COL24A1: variants seen among roughly 807,000 people sequenced by gnomAD.
COL24A1 encodes the protein collagen alpha-1(XXIV) chain.
Under a neutral mutation model 253.9 loss-of-function variants are expected in COL24A1, and 224 were observed. The ratio of observed to expected loss-of-function variants is 0.88; its 90% CI spans 0.79 to 0.99. The LOEUF (loss-of-function observed/expected upper bound fraction) is 0.99. Ranked by LOEUF, COL24A1 falls within the 50% of genes least tolerant of loss-of-function variation. The pLI, the probability that COL24A1 is intolerant of heterozygous loss-of-function variation, is 0.00. For missense variants in COL24A1, 2,131 were observed against 2,068.5 expected (o/e 1.03, Z -0.59); for synonymous variants, 685 against 673.7 (o/e 1.02, Z -0.26).
rs530744108 is a variant in COL24A1, at chr1:85,730,309, C to A, written c.*237G>T. The A allele has an allele frequency of 2.1e-4, 69 of 334,380 alleles. No individual in the cohort carries two copies. The highest frequency in any genetic ancestry group is 1.4e-3 in the African/African-American group (68 of 47,644). 20.7% of individuals were successfully genotyped at this position (334,380 alleles called of 1,614,324 possible). On this transcript the variant is annotated 3_prime_UTR_variant, in exon 60 of 60. Coordinates refer to ENST00000370571, the MANE Select transcript of COL24A1 (RefSeq NM_152890.7). ...TATAAATTTTTAGTTCTAGGGAATT[C>A]TCTAAGAAAGCTGAGATGAATATAA... is the stretch of plus-strand genomic sequence containing the variant.
intron 47 of COL24A1, among the ~76,000 whole-genome samples, chr1:85,799,211 AAAAGAAAGAAAGAAAG>A (rs139787428): frequency 2.7e-4 from 37 of 137,632 alleles, no homozygotes; most frequent in Non-Finnish European, 4.0e-4. Context: ...TTGGCCACAT[AAAAGAAAGAAAGAAAG>A]AAAGAAAGAA....
chr1:86,040,514 C>T (rs532398974), intron 12 of COL24A1, among the ~76,000 whole-genome samples: 78 of 138,596 alleles, frequency 5.6e-4, no homozygotes, highest in African/African-American at 1.9e-3. Flanking sequence ...TGTTATCCAC[C>T]CTGAAGATAA....
At chr1:85,985,413 G>T (rs1304909251) in intron 20 of COL24A1, among the ~76,000 whole-genome samples, 1 of 151,756 alleles carries the variant, frequency 6.6e-6, no homozygotes, top group African/African-American at 2.4e-5. Flanking sequence ...TACAGAGAGG[G>T]TTTGGTCATA....
chr1:85,916,253 C>T (rs1685885183), intron 24 of COL24A1, among the ~76,000 whole-genome samples: 1 of 152,140 alleles, frequency 6.6e-6, no homozygotes, highest in Non-Finnish European at 1.5e-5. Flanking sequence ...GTCTCTTATA[C>T]ATGGCCCATT....
At chr1:85,847,475 T>A (rs1677253726) in intron 39 of COL24A1, among the ~76,000 whole-genome samples, 190 bp downstream of exon 39, 1 of 152,180 alleles carries the variant, frequency 6.6e-6, no homozygotes, top group Admixed American at 6.5e-5. Context: ...CTTTTTCATG[T>A]CCAGAAACCA....
At chr1:85,810,983 C>G (rs1672472809) in intron 47 of COL24A1, among the ~76,000 whole-genome samples, 1 of 152,180 alleles carries the variant, frequency 6.6e-6, no homozygotes, top group South Asian at 2.1e-4. Flanking sequence ...AAGAACCCTC[C>G]CTGGCTGAGC....
chr1:85,780,978 C>T (rs146507315), intron 52 of COL24A1, among the ~76,000 whole-genome samples: 1 of 152,080 alleles, frequency 6.6e-6, no homozygotes, highest in Non-Finnish European at 1.5e-5. Context: ...AACACTCTCC[C>T]CTTCCTGACT....
At chr1:86,147,079 A>G (rs1233894648) in intron 1 of COL24A1, among the ~76,000 whole-genome samples, 2 of 152,166 alleles carry the variant, frequency 1.3e-5, no homozygotes, top group African/African-American at 4.8e-5. Context: ...CAAATGATGT[A>G]TTTGTAAAAT....
intron 53 of COL24A1, among the ~76,000 whole-genome samples, chr1:85,771,705 T>A (rs1448393949): frequency 2.0e-5 from 3 of 152,162 alleles, no homozygotes; most frequent in Non-Finnish European, 4.4e-5. Context: ...TGAACTAATT[T>A]ACACTCCCTC....
intron 55 of COL24A1, among the ~76,000 whole-genome samples, chr1:85,760,371 C>A (rs959030628): frequency 8.5e-5 from 13 of 152,122 alleles, no homozygotes; most frequent in African/African-American, 3.1e-4. Flanking sequence ...GATGTCCACA[C>A]AGGGAGAGTT....
chr1:86,031,989 A>G, intron 13 of COL24A1, 67 bp from the exon 14 acceptor site: 3 of 1,305,762 alleles, frequency 2.3e-6, no homozygotes, highest in Non-Finnish European at 3.3e-6. Flanking sequence ...ATTTCTGAAG[A>G]TAAACACAAA....
intron 48 of COL24A1, among the ~76,000 whole-genome samples, chr1:85,785,634 T>C (rs1669603082): frequency 6.6e-6 from 1 of 152,200 alleles, no homozygotes; most frequent in African/African-American, 2.4e-5. Flanking sequence ...AAGACTAATA[T>C]TGTAAACAGT....
intron 1 of COL24A1, among the ~76,000 whole-genome samples, chr1:86,149,479 A>C (rs992285340): frequency 6.6e-6 from 1 of 152,210 alleles, no homozygotes; most frequent in Non-Finnish European, 1.5e-5. Flanking sequence ...AAAACTGCTT[A>C]CTTAGGATTA....
chr1:85,730,590 C>G lies in COL24A1; in HGVS notation c.5101G>C (p.Glu1701Gln), dbSNP rs1394389506. Residue 1701 changes from glutamate to glutamine, a missense_variant, in exon 60 of 60, where the codon GAA becomes CAA. Coordinates refer to ENST00000370571, the MANE Select transcript of COL24A1 (RefSeq NM_152890.7). ...CTGCTGTCAATGTAATACTTTCGTTCAGTTTTGAGATGAGGAAGTTTTTGT... is the reference window on the plus strand; with the variant it reads ...CTGCTGTCAATGTAATACTTTCGTTGAGTTTTGAGATGAGGAAGTTTTTGT... ...EVQKLPHLKT[E>Q]RKYYIDSSSV... 1 of 1,613,798 alleles carries G rather than the reference C, an allele frequency of 6.2e-7. No homozygotes were observed. Among genetic ancestry groups the G allele is most frequent in the African/African-American group, 1.3e-5 (1 of 74,898 alleles).
intron 19 of COL24A1, among the ~76,000 whole-genome samples, chr1:85,990,440 G>T (rs567920197): frequency 1.3e-5 from 2 of 152,118 alleles, no homozygotes; most frequent in African/African-American, 2.4e-5. Context: ...TCCCTCACAC[G>T]TGCAGTTCAC....
At chr1:86,152,252 ACCCC>A (rs1182553849) in intron 1 of COL24A1, among the ~76,000 whole-genome samples, 1 of 152,088 alleles carries the variant, frequency 6.6e-6, no homozygotes, top group African/African-American at 2.4e-5. Flanking sequence ...CAGGTTGAGC[ACCCC>A]CAATCTAAAA....
intron 37 of COL24A1, 71 bp from the exon 38 acceptor site, chr1:85,849,477 T>G: frequency 2.7e-6 from 3 of 1,101,676 alleles, no homozygotes; most frequent in Non-Finnish European, 2.7e-6. Flanking sequence ...TGAATACTTC[T>G]ATCAGATAAT....
intron 53 of COL24A1, among the ~76,000 whole-genome samples, chr1:85,769,006 T>G (rs796679938): frequency 6.6e-6 from 1 of 152,092 alleles, no homozygotes; most frequent in Non-Finnish European, 1.5e-5. Flanking sequence ...ATTCAATAAA[T>G]TCAAACAATT....
intron 20 of COL24A1, among the ~76,000 whole-genome samples, chr1:85,973,609 G>C (rs992174977): frequency 1.3e-5 from 2 of 152,112 alleles, no homozygotes; most frequent in Non-Finnish European, 2.9e-5. Context: ...TAAGATAAGG[G>C]TGTGCATGAA....
Sources: allele counts gnomAD v4.1 joint callset (sites outside exome capture counted in the v4.1 genomes callset), GRCh38; gene constraint gnomAD v4.1.1; transcripts MANE v1.5; gene names NCBI Gene and HGNC (gene_info 2026-07-23, HGNC 2026-07-21).